ITFG1: variants seen among roughly 807,000 people sequenced by gnomAD.
The protein encoded by ITFG1 is T-cell immunomodulatory protein.
In ITFG1, 34 loss-of-function variants were observed where a neutral mutation model predicts 81.8. That is an observed-to-expected ratio of 0.42 (90% CI 0.32 to 0.55). The LOEUF (loss-of-function observed/expected upper bound fraction) is 0.55. ITFG1 is among the 20% of genes least tolerant of loss of function. ITFG1 has a pLI of 0.17. For synonymous variants in ITFG1, 285 were observed against 270.6 expected (o/e 1.05, Z -0.52); for missense variants, 672 against 755.4 (o/e 0.89, Z 1.29).
At chr16:47,282,127 A>G (rs1966457393) in intron 10 of ITFG1, among the ~76,000 whole-genome samples, 1 of 151,448 alleles carries the variant, frequency 6.6e-6, no homozygotes. Context: ...ACCCACGTAC[A>G]GTACAGTAGT....
At chr16:47,374,642 T>A (rs992270211) in intron 7 of ITFG1, among the ~76,000 whole-genome samples, 1 of 152,182 alleles carries the variant, frequency 6.6e-6, no homozygotes, top group African/African-American at 2.4e-5. Context: ...TGTACGGCAG[T>A]CATAAAAATA....
intron 10 of ITFG1, among the ~76,000 whole-genome samples, chr16:47,307,054 A>G (rs1448256516): frequency 8.2e-6 from 1 of 121,512 alleles, no homozygotes; most frequent in Non-Finnish European, 1.6e-5. Context: ...AGATTGCGCC[A>G]CTGCACTCCA....
chr16:47,182,298 A>T (rs1213258607), intron 14 of ITFG1, among the ~76,000 whole-genome samples: 2 of 151,902 alleles, frequency 1.3e-5, no homozygotes, highest in Non-Finnish European at 2.9e-5. Flanking sequence ...TACATTAGAG[A>T]TTTGCCATTT....
chr16:47,441,999 A>C (rs1446764659), intron 5 of ITFG1, among the ~76,000 whole-genome samples: 1 of 152,214 alleles, frequency 6.6e-6, no homozygotes, highest in Non-Finnish European at 1.5e-5. Context: ...ATACAAAATC[A>C]ATGTGCAAAA....
intron 6 of ITFG1, among the ~76,000 whole-genome samples, chr16:47,396,892 A>C (rs959191641): frequency 3.3e-5 from 5 of 152,128 alleles, no homozygotes; most frequent in African/African-American, 1.2e-4. Context: ...GAGCTGGCTG[A>C]GGTGGGGAGG....
chr16:47,358,579 A>T (rs910043112), intron 8 of ITFG1, among the ~76,000 whole-genome samples: 1 of 152,218 alleles, frequency 6.6e-6, no homozygotes, highest in Non-Finnish European at 1.5e-5. Flanking sequence ...TAATCAAAAT[A>T]AGCAAAAGTA....
intron 1 of ITFG1, among the ~76,000 whole-genome samples, chr16:47,459,890 T>G (rs1425308121): frequency 1.3e-5 from 2 of 152,202 alleles, no homozygotes; most frequent in Non-Finnish European, 2.9e-5. Flanking sequence ...AAGAGGTTCC[T>G]GCATCCCCGC....
At chr16:47,454,293 T>C in intron 2 of ITFG1, 135 bp from the exon 3 acceptor site, 2 of 738,196 alleles carry the variant, frequency 2.7e-6, no homozygotes, top group African/African-American at 1.8e-5. Context: ...TTCTCTTTCC[T>C]ATCTTTTCAT....
chr16:47,216,193 C>T (rs905953114), intron 14 of ITFG1, among the ~76,000 whole-genome samples: 2 of 151,884 alleles, frequency 1.3e-5, no homozygotes, highest in Non-Finnish European at 2.9e-5. Context: ...TTGACTGAAT[C>T]AAGAATCCCA....
At position 47,187,294 on chromosome 16, in the gene ITFG1, G is replaced by A. The variant is rs940187786; in HGVS notation, c.1454-24630C>T. 7.2e-5 allele frequency among the ~76,000 whole-genome samples: 11 copies of A among 152,180 alleles called. No homozygotes were observed. In the South Asian group the frequency reaches 8.3e-4, roughly 12 times the overall value. On this transcript the variant is annotated intron_variant, in intron 14 of 17. Transcript: ENST00000320640. The stretch of plus-strand genomic sequence containing the variant: ...TTCATATGGAAACAAAAAAGAGCCC[G>A]CATCGCCAAGTCAATCCTAAGCCAA...
intron 8 of ITFG1, among the ~76,000 whole-genome samples, chr16:47,314,131 C>T (rs1305477511): frequency 6.6e-6 from 1 of 152,018 alleles, no homozygotes; most frequent in Non-Finnish European, 1.5e-5. Flanking sequence ...ATCAGTCATA[C>T]CCCAACCCAT....
chr16:47,295,967 T>TG (rs760191291), intron 10 of ITFG1, among the ~76,000 whole-genome samples: 28 of 152,118 alleles, frequency 1.8e-4, no homozygotes, highest in Non-Finnish European at 2.9e-5. Context: ...GGCACAATCG[T>TG]GACTTATTGC....
intron 8 of ITFG1, among the ~76,000 whole-genome samples, chr16:47,356,764 T>C (rs776656126): frequency 2.6e-5 from 4 of 151,768 alleles, no homozygotes; most frequent in Non-Finnish European, 5.9e-5. Context: ...TTACACAGAG[T>C]GAAAATGTGG....
chr16:47,309,431 C>G (rs1231734088), intron 10 of ITFG1, among the ~76,000 whole-genome samples: 1 of 152,156 alleles, frequency 6.6e-6, no homozygotes, highest in East Asian at 1.9e-4. Flanking sequence ...TAGGAAATCA[C>G]AATCTGTCTT....
chr16:47,232,114 T>C (rs1315331100), intron 13 of ITFG1, among the ~76,000 whole-genome samples: 1 of 152,196 alleles, frequency 6.6e-6, no homozygotes, highest in East Asian at 1.9e-4. Flanking sequence ...AAAAGGAAGG[T>C]AGGCTTGCTG....
At chr16:47,212,463 C>T (rs886524590) in intron 14 of ITFG1, among the ~76,000 whole-genome samples, 9 of 152,146 alleles carry the variant, frequency 5.9e-5, no homozygotes, top group African/African-American at 1.2e-4. Context: ...GTGATCCTCT[C>T]GCCTTGGCCT....
intron 6 of ITFG1, among the ~76,000 whole-genome samples, chr16:47,413,463 G>A (rs1221096751): frequency 3.3e-5 from 5 of 152,208 alleles, no homozygotes; most frequent in Admixed American, 2.6e-4. Context: ...GGGAGGCCAA[G>A]GTGGACAGAT....
intron 10 of ITFG1, among the ~76,000 whole-genome samples, chr16:47,272,952 G>T (rs1243258255): frequency 6.8e-6 from 1 of 147,818 alleles, no homozygotes; most frequent in Admixed American, 6.8e-5. Context: ...ATCTTCAAAG[G>T]CTATAAAATT....
chr16:47,179,498 T>C (rs1023017888), intron 14 of ITFG1, among the ~76,000 whole-genome samples: 1 of 152,154 alleles, frequency 6.6e-6, no homozygotes, highest in Non-Finnish European at 1.5e-5. Flanking sequence ...AGGGATTTTA[T>C]TGTGAGGGGA....
Sources: gnomAD v4.1 joint callset for allele counts (sites outside exome capture counted in the v4.1 genomes callset) on GRCh38, gnomAD v4.1.1 for gene constraint, MANE v1.5 for transcripts, NCBI Gene and HGNC (gene_info 2026-07-23, HGNC 2026-07-21) for gene names.